The following RSPO3 variants were observed in gnomAD, a reference collection of about 807,000 sequenced individuals.
RSPO3 encodes the protein R-spondin-3.
A neutral mutation model predicts 36.5 loss-of-function variants in RSPO3; 17 were observed. The observed-to-expected ratio is 0.47, with a 90% CI of 0.32 to 0.70. RSPO3 has a LOEUF of 0.70. RSPO3 is among the 30% of genes least tolerant of loss of function. The pLI is 0.04. For missense variants in RSPO3, 294 were observed against 322.5 expected (o/e 0.91, Z 0.68); for synonymous variants, 108 against 107.0 (o/e 1.01, Z -0.06).
At chr6:127,194,809 C>T (rs1013947908) in intron 4 of RSPO3, among the ~76,000 whole-genome samples, 3 of 152,112 alleles carry the variant, frequency 2.0e-5, no homozygotes, top group African/African-American at 7.2e-5. Context: ...GCTTCAAACC[C>T]AGCTCCAGGT....
chr6:127,120,092 C>T (rs1385644559), intron 1 of RSPO3: 1 of 152,374 alleles, frequency 6.6e-6, no homozygotes, highest in Non-Finnish European at 1.5e-5. Context: ...TTCGCCTCCT[C>T]GCTGCCCTTA....
chr6:127,155,662 A>G (rs940214653), intron 4 of RSPO3, among the ~76,000 whole-genome samples: 11 of 152,122 alleles, frequency 7.2e-5, no homozygotes, highest in African/African-American at 1.2e-4. Flanking sequence ...TAATTGAATT[A>G]TGATGAACTA....
chr6:127,174,704 A>C (rs1318947620), intron 4 of RSPO3, among the ~76,000 whole-genome samples: 2 of 151,898 alleles, frequency 1.3e-5, no homozygotes, highest in African/African-American at 2.4e-5. Context: ...TAACACTTCA[A>C]TAATAAAATA....
intron 1 of RSPO3, among the ~76,000 whole-genome samples, chr6:127,131,452 T>C (rs1582786357): frequency 6.6e-6 from 1 of 152,098 alleles, no homozygotes; most frequent in Admixed American, 6.6e-5. Context: ...TTACCCAAAC[T>C]ATTTAATTCA....
intron 4 of RSPO3, among the ~76,000 whole-genome samples, chr6:127,162,948 T>C (rs1774739930): frequency 6.6e-6 from 1 of 152,172 alleles, no homozygotes; most frequent in African/African-American, 2.4e-5. Flanking sequence ...AATATGTTTT[T>C]GTAAGACGGC....
chr6:127,192,578 C>A, intron 4 of RSPO3: 1 of 774,090 alleles, frequency 1.3e-6, no homozygotes, highest in Non-Finnish European at 1.6e-6. Flanking sequence ...TCTGCAAGGG[C>A]TCAGATTGTA....
intron 1 of RSPO3, among the ~76,000 whole-genome samples, chr6:127,128,964 CT>C (rs1773997144): frequency 6.6e-6 from 1 of 152,006 alleles, no homozygotes; most frequent in Non-Finnish European, 1.5e-5. Flanking sequence ...CATACTCAAA[CT>C]TTTTTTCAAA....
chr6:127,186,519 G>C (rs933264712), intron 4 of RSPO3, among the ~76,000 whole-genome samples: 2 of 152,074 alleles, frequency 1.3e-5, no homozygotes, highest in African/African-American at 4.8e-5. Context: ...GTTCTTTACT[G>C]TGTTACTGGA....
chr6:127,153,127 T>A (rs1774523521), intron 3 of RSPO3, among the ~76,000 whole-genome samples: 1 of 152,140 alleles, frequency 6.6e-6, no homozygotes, highest in Admixed American at 6.6e-5. Flanking sequence ...ATTACCTTTA[T>A]GAGACATGTG....
At chr6:127,148,570 A>G in intron 1 of RSPO3, 78 bp from the exon 2 acceptor site, 2 of 1,214,290 alleles carry the variant, frequency 1.6e-6, no homozygotes, top group Non-Finnish European at 2.3e-6. Flanking sequence ...GAAAGAGAAC[A>G]TATATCCTGC....
chr6:127,159,324 T>C (rs1436121708), intron 4 of RSPO3, among the ~76,000 whole-genome samples: 1 of 152,142 alleles, frequency 6.6e-6, no homozygotes, highest in Non-Finnish European at 1.5e-5. Flanking sequence ...AAAAAGATTC[T>C]TATTAATCAC....
In RSPO3 at chr6:127,198,958, G is replaced by A. The variant is rs916828787; in HGVS notation, c.*2951G>A. Among the ~76,000 whole-genome samples, 15 of 152,194 alleles carry A rather than the reference G, an allele frequency of 9.9e-5. No homozygotes were observed. The highest frequency in any genetic ancestry group is 3.4e-4 in the African/African-American group (14 of 41,460). On this transcript the variant is annotated 3_prime_UTR_variant, in exon 5 of 5. Transcript: ENST00000356698. ...TTAACTCTGCTTCTCTAATGTTATT[G>A]AATTAAAAGCTGTTCACATTAGTGG... is the stretch of plus-strand genomic sequence containing the variant.
intron 4 of RSPO3, among the ~76,000 whole-genome samples, chr6:127,168,073 A>G (rs932178207): frequency 2.6e-5 from 4 of 152,096 alleles, no homozygotes; most frequent in Non-Finnish European, 5.9e-5. Context: ...ACATGTGAAT[A>G]TGTCTTTATA....
rs748148629 is a variant in RSPO3, at chr6:127,119,247, A to C, written c.55A>C (p.Ile19Leu). ...LFIILNFMEY[I>L]GSQNASRGRR... Reference sequence around the variant, plus strand: ...TATCATTTTGAACTTTATGGAATACATCGGCAGCCAAAACGCCTCCCGGGG... The same window carrying C: ...TATCATTTTGAACTTTATGGAATACCTCGGCAGCCAAAACGCCTCCCGGGG... The change falls in exon 1 of 5, where the codon ATC becomes CTC. Residue 19 changes from isoleucine (I) to leucine (L), a missense_variant. Physicochemically the swap from Ile to Leu is conservative, Grantham distance 5. This residue lies in a region of RSPO3 where 61 missense variants were observed against 51.3 expected (regional missense o/e 1.19). Transcript: ENST00000356698. 3 of 1,613,588 alleles carry C rather than the reference A, an allele frequency of 1.9e-6. No individual in the cohort carries two copies. Among genetic ancestry groups the C allele is most frequent in the South Asian group, 2.2e-5 (2 of 90,886 alleles).
intron 4 of RSPO3, among the ~76,000 whole-genome samples, chr6:127,180,777 T>C (rs1775169273): frequency 6.6e-6 from 1 of 151,826 alleles, no homozygotes; most frequent in Non-Finnish European, 1.5e-5. Context: ...AGACCATTTA[T>C]TATTGTTACT....
chr6:127,198,136 C>T lies in RSPO3; in HGVS notation c.*2129C>T, dbSNP rs575371760. On this transcript the variant is annotated 3_prime_UTR_variant, in exon 5 of 5. Transcript: ENST00000356698. ...AAGGGTTAAGTAAACCAGGACATGA[C>T]AATGGTGGCAAATGACTATCAGGTC... 1.3e-5 allele frequency among the ~76,000 whole-genome samples: 2 copies of T among 152,356 alleles called. No homozygotes were observed. Among genetic ancestry groups the T allele is most frequent in the African/African-American group, 4.8e-5 (2 of 41,586 alleles).
intron 4 of RSPO3, among the ~76,000 whole-genome samples, chr6:127,192,965 C>G (rs567768393): frequency 2.0e-5 from 3 of 152,266 alleles, no homozygotes; most frequent in Admixed American, 6.5e-5. Flanking sequence ...TAATGGACTA[C>G]AGCCACTCTT....
chr6:127,132,454 C>T (rs1177767488), intron 1 of RSPO3, among the ~76,000 whole-genome samples: 1 of 151,696 alleles, frequency 6.6e-6, no homozygotes, highest in Admixed American at 6.6e-5. Context: ...GAAATGAGTT[C>T]ATTTAAATTG....
At chr6:127,172,530 T>C (rs1019888385) in intron 4 of RSPO3, among the ~76,000 whole-genome samples, 29 of 151,696 alleles carry the variant, frequency 1.9e-4, no homozygotes, top group African/African-American at 6.5e-4. Flanking sequence ...TGAAGGTAAA[T>C]GGTTTTCCAG....
Sources: gnomAD v4.1 joint callset for allele counts (sites outside exome capture counted in the v4.1 genomes callset) on GRCh38, gnomAD v4.1.1 for gene constraint, gnomAD v4.1.1 regional missense constraint, MANE v1.5 for transcripts, NCBI Gene and HGNC (gene_info 2026-07-23, HGNC 2026-07-21) for gene names.